Variants in SGTB observed in about 807,000 individuals in gnomAD.
The protein encoded by SGTB is small glutamine-rich tetratricopeptide repeat-containing protein beta.
A neutral mutation model predicts 43.9 loss-of-function variants in SGTB; 19 were observed. The observed-to-expected ratio is 0.43, with a 90% CI of 0.30 to 0.63. SGTB has a LOEUF of 0.63. Ranked by LOEUF, SGTB falls within the 30% of genes least tolerant of loss-of-function variation. The probability of loss-of-function intolerance (pLI) is 0.12; values close to 1 mark genes in which losing one functional copy is unlikely to be tolerated. For synonymous variants in SGTB, 116 were observed against 117.3 expected, an observed-to-expected ratio of 0.99 and a Z score of 0.07; for missense variants, 304 against 358.9, an observed-to-expected ratio of 0.85 and a Z score of 1.24.
At chr5:65,690,316 G>A (rs980721356) in intron 5 of SGTB, among the ~76,000 whole-genome samples, 1 of 151,904 alleles carries the variant, frequency 6.6e-6, no homozygotes, top group South Asian at 2.1e-4. Flanking sequence ...GTGTACGCCT[G>A]TAGTTTCAGC....
At chr5:65,688,226 CT>C (rs1192261176) in intron 5 of SGTB, among the ~76,000 whole-genome samples, 28 of 152,194 alleles carry the variant, frequency 1.8e-4, no homozygotes, top group African/African-American at 6.7e-4. Context: ...GAAAAAAAAT[CT>C]TGTCCAGAAA....
At chr5:65,673,231 T>C (rs890447138) in intron 8 of SGTB, among the ~76,000 whole-genome samples, 1 of 152,186 alleles carries the variant, frequency 6.6e-6, no homozygotes. Flanking sequence ...AACAATCAAA[T>C]ACATAAAGCT....
intron 5 of SGTB, among the ~76,000 whole-genome samples, chr5:65,694,829 A>G (rs1757688279): frequency 6.6e-6 from 1 of 152,198 alleles, no homozygotes; most frequent in African/African-American, 2.4e-5. Context: ...CATACAAAGC[A>G]CAGAGAGATG....
At chr5:65,684,048 AG>A (rs147489788) in intron 6 of SGTB, among the ~76,000 whole-genome samples, 3,436 of 152,060 alleles carry the variant, frequency 0.023, 126 homozygotes, top group African/African-American at 0.077. Flanking sequence ...TGGTGGCTAG[AG>A]GGGAACGCTG....
intron 5 of SGTB, among the ~76,000 whole-genome samples, chr5:65,703,547 C>CA (rs1381949938): frequency 2.0e-5 from 3 of 150,294 alleles, no homozygotes; most frequent in East Asian, 3.9e-4. Flanking sequence ...CCATCTCCAC[C>CA]AAAAAAAACA....
chr5:65,706,271 A>C (rs1170814031), intron 4 of SGTB, among the ~76,000 whole-genome samples: 1 of 152,216 alleles, frequency 6.6e-6, no homozygotes, highest in African/African-American at 2.4e-5. Flanking sequence ...GAAGAAACAA[A>C]AAGTTTATAT....
rs146161954 is a variant in SGTB, at chr5:65,714,302, G to A, written c.101-1238C>T. On this transcript the variant is annotated intron_variant, in intron 2 of 10. Transcript: ENST00000381007. ...TATCTGTAAGGCACTGGTCTAAGGT[G>A]GTAGAGAAACAGTAATAAACCTAAC... 2.9e-3 allele frequency among the ~76,000 whole-genome samples: 436 copies of A among 151,940 alleles called. 2 individuals carry two copies. Among genetic ancestry groups the A allele is most frequent in the African/African-American group, 0.01 (421 of 41,354 alleles).
chr5:65,710,257 A>G (rs536692992), intron 3 of SGTB, among the ~76,000 whole-genome samples: 2 of 152,326 alleles, frequency 1.3e-5, no homozygotes, highest in South Asian at 4.1e-4. Context: ...AAATTTTCCA[A>G]TAAGCCTAGG....
intron 6 of SGTB, among the ~76,000 whole-genome samples, chr5:65,681,748 G>A (rs1424697475): frequency 6.6e-6 from 1 of 152,120 alleles, no homozygotes; most frequent in Non-Finnish European, 1.5e-5. Flanking sequence ...GCCAGGGTGG[G>A]TGGATCACTT....
chr5:65,720,613 G>T, intron 2 of SGTB, 95 bp downstream of exon 2: 1 of 1,420,778 alleles, frequency 7.0e-7, no homozygotes, highest in South Asian at 1.4e-5. Context: ...AAAAAATTCT[G>T]ATTATGTTAC....
At chr5:65,701,630 A>ATTTTTT (rs35304663) in intron 5 of SGTB, among the ~76,000 whole-genome samples, 1 of 126,492 alleles carries the variant, frequency 7.9e-6, no homozygotes, top group African/African-American at 2.9e-5. Context: ...TTTAAATTAA[A>ATTTTTT]TTTTTTTTTT....
intron 4 of SGTB, among the ~76,000 whole-genome samples, chr5:65,706,321 T>G (rs977862788): frequency 2.0e-5 from 3 of 152,152 alleles, no homozygotes; most frequent in Admixed American, 6.5e-5. Context: ...ACATTTTAAT[T>G]TTCTGGGTTA....
chr5:65,673,320 T>C (rs958972871), intron 8 of SGTB, among the ~76,000 whole-genome samples: 1 of 152,184 alleles, frequency 6.6e-6, no homozygotes, highest in African/African-American at 2.4e-5. Context: ...AGAGGCACCA[T>C]TGACTGCTTT....
chr5:65,678,248 T>C (rs926712182), intron 8 of SGTB, among the ~76,000 whole-genome samples: 13 of 152,228 alleles, frequency 8.5e-5, no homozygotes, highest in South Asian at 6.2e-4. Flanking sequence ...GCATTCACAA[T>C]TGCCATAAAA....
chr5:65,696,697 T>C (rs989635748), intron 5 of SGTB, among the ~76,000 whole-genome samples: 1 of 152,208 alleles, frequency 6.6e-6, no homozygotes, highest in African/African-American at 2.4e-5. Flanking sequence ...ATAAAACATA[T>C]GACAAACCTA....
chr5:65,704,821 A>G (rs763547620), intron 4 of SGTB, among the ~76,000 whole-genome samples: 3 of 152,224 alleles, frequency 2.0e-5, no homozygotes, highest in Non-Finnish European at 4.4e-5. Flanking sequence ...ATCTGCTGAT[A>G]ATCAAGTTCT....
chr5:65,706,155 C>T (rs570943647), intron 4 of SGTB, among the ~76,000 whole-genome samples: 10 of 152,124 alleles, frequency 6.6e-5, no homozygotes, highest in Admixed American at 2.0e-4. Flanking sequence ...TGAATTATAT[C>T]GCAACAAATA....
chr5:65,675,185 C>T (rs1308936916), intron 8 of SGTB, among the ~76,000 whole-genome samples: 1 of 152,094 alleles, frequency 6.6e-6, no homozygotes, highest in Non-Finnish European at 1.5e-5. Context: ...CTCAAAAAGG[C>T]CCATACATTA....
chr5:65,720,080 T>C (rs1243919336), intron 2 of SGTB, among the ~76,000 whole-genome samples: 1 of 145,642 alleles, frequency 6.9e-6, no homozygotes, highest in Non-Finnish European at 1.5e-5. Flanking sequence ...ATTTTCTTTT[T>C]CTTTTTTTTT....
Sources: gnomAD v4.1 joint callset for allele counts (sites outside exome capture counted in the v4.1 genomes callset) on GRCh38, gnomAD v4.1.1 for gene constraint, MANE v1.5 for transcripts, NCBI Gene and HGNC (gene_info 2026-07-23, HGNC 2026-07-21) for gene names.